FAM81B: variants seen among roughly 807,000 people sequenced by gnomAD.
FAM81B encodes the protein family with sequence similarity 81 member B, also known as protein FAM81B.
FAM81B carries 60 observed loss-of-function variants against 58.7 expected under a neutral mutation model. The ratio of observed to expected loss-of-function variants is 1.02; its 90% CI spans 0.83 to 1.27. The LOEUF (loss-of-function observed/expected upper bound fraction) is 1.27, where lower values mean the gene tolerates loss of function less well. Ranked by LOEUF, FAM81B falls within the 50% of genes most tolerant of loss-of-function variation. The probability of loss-of-function intolerance (pLI) is 0.00; values close to 1 mark genes in which losing one functional copy is unlikely to be tolerated. For missense variants in FAM81B, 491 were observed against 522.0 expected (o/e 0.94, Z 0.58); for synonymous variants, 189 against 179.6 (o/e 1.05, Z -0.42).
intron 2 of FAM81B, among the ~76,000 whole-genome samples, chr5:95,395,793 T>C (rs985611055): frequency 1.1e-4 from 17 of 152,228 alleles, no homozygotes; most frequent in African/African-American, 4.1e-4. Context: ...AAGACTTCTT[T>C]AGTAACTCAG....
intron 3 of FAM81B, among the ~76,000 whole-genome samples, chr5:95,399,795 T>C (rs1033140221): frequency 2.0e-5 from 3 of 152,060 alleles, no homozygotes; most frequent in African/African-American, 7.2e-5. Context: ...AAAGGTGACT[T>C]GGTGAAAAAT....
chr5:95,449,718 G>A (rs1745725708), intron 9 of FAM81B, among the ~76,000 whole-genome samples: 1 of 152,074 alleles, frequency 6.6e-6, no homozygotes, highest in Non-Finnish European at 1.5e-5. Context: ...AGGGCAGCAG[G>A]GGGCCGCTGT....
intron 3 of FAM81B, among the ~76,000 whole-genome samples, chr5:95,405,877 C>G (rs1410671646): frequency 1.3e-5 from 2 of 152,228 alleles, no homozygotes; most frequent in African/African-American, 4.8e-5. Context: ...CTTTCCCACC[C>G]TGTGGACATT....
At chr5:95,434,355 T>C (rs1481599608) in intron 6 of FAM81B, among the ~76,000 whole-genome samples, 1 of 152,150 alleles carries the variant, frequency 6.6e-6, no homozygotes, top group African/African-American at 2.4e-5. Context: ...CTACCTTCCT[T>C]CTTGTGTTTT....
chr5:95,400,447 C>CACAT (rs1478257353), intron 3 of FAM81B, among the ~76,000 whole-genome samples: 3 of 151,292 alleles, frequency 2.0e-5, no homozygotes, highest in Non-Finnish European at 2.9e-5. Flanking sequence ...CACACACACA[C>CACAT]ACATACATAC....
chr5:95,398,707 G>A (rs528362640), intron 3 of FAM81B, among the ~76,000 whole-genome samples: 198 of 152,302 alleles, frequency 1.3e-3, no homozygotes, highest in African/African-American at 4.7e-3. Context: ...AGCCATTCTA[G>A]CAGGAAGGAG....
At chr5:95,415,293 T>C (rs1015928914) in intron 4 of FAM81B, among the ~76,000 whole-genome samples, 3 of 152,230 alleles carry the variant, frequency 2.0e-5, no homozygotes, top group Non-Finnish European at 4.4e-5. Context: ...AGTCTCACGA[T>C]ACTTGTCCTT....
Position 95,395,075 on chromosome 5 carries a change from G to T in FAM81B, c.229-1036G>T, listed in dbSNP as rs143729239. On this transcript the variant is annotated intron_variant, in intron 2 of 9. Transcript: ENST00000283357. ...ACTCATATTCTCCATATTGAATCCA[G>T]TTCACCAATAGGCTATTAAAATTAG... Among the ~76,000 whole-genome samples the T allele has an allele frequency of 2.6e-3, 403 of 152,148 alleles. 3 individuals carry two copies. Among genetic ancestry groups the T allele is most frequent in the African/African-American group, 9.3e-3 (385 of 41,488 alleles).
At chr5:95,391,672 A>C (rs1434548992) in intron 1 of FAM81B, among the ~76,000 whole-genome samples, 159 bp downstream of exon 1, 3 of 151,832 alleles carry the variant, frequency 2.0e-5, no homozygotes, top group South Asian at 2.1e-4. Flanking sequence ...AGAAAAAAAA[A>C]CCCCATCAAA....
intron 1 of FAM81B, among the ~76,000 whole-genome samples, chr5:95,391,823 G>A (rs1477455952): frequency 6.6e-6 from 1 of 152,180 alleles, no homozygotes; most frequent in Admixed American, 6.5e-5. Flanking sequence ...ATGCCAGTTA[G>A]AATAGTAACC....
intron 4 of FAM81B, among the ~76,000 whole-genome samples, chr5:95,417,894 C>A (rs919852043): frequency 1.3e-5 from 2 of 152,262 alleles, no homozygotes; most frequent in African/African-American, 4.8e-5. Context: ...TTTGCTTTTT[C>A]TATCTTAATT....
intron 7 of FAM81B, among the ~76,000 whole-genome samples, chr5:95,443,209 C>T (rs1245234804): frequency 6.6e-6 from 1 of 152,102 alleles, no homozygotes; most frequent in African/African-American, 2.4e-5. Flanking sequence ...CACCACTAAT[C>T]CCTCACTGCA....
chr5:95,407,825 T>G (rs953403198), intron 3 of FAM81B, among the ~76,000 whole-genome samples: 2 of 152,242 alleles, frequency 1.3e-5, no homozygotes, highest in Non-Finnish European at 2.9e-5. Flanking sequence ...CCTTCCTCAT[T>G]TTTTCATGTA....
chr5:95,430,524 C>G (rs530349606), intron 6 of FAM81B, among the ~76,000 whole-genome samples: 2 of 151,282 alleles, frequency 1.3e-5, no homozygotes, highest in Admixed American at 1.3e-4. Context: ...CAACTGCATA[C>G]CCTTCCTTTG....
chr5:95,421,474 T>C lies in FAM81B; in HGVS notation c.656+1072T>C, dbSNP rs555207910. 1.8e-4 allele frequency among the ~76,000 whole-genome samples: 28 copies of C among 152,288 alleles called. No homozygotes were observed. The South Asian group carries it at 5.6e-3, about 30-fold the overall frequency. Reference sequence around the variant, plus strand: ...ACCTGGGAGAATGGCATTTTGGTTATGGTATTTTGGAGAAGGCATTTTGAG... The same window carrying C: ...ACCTGGGAGAATGGCATTTTGGTTACGGTATTTTGGAGAAGGCATTTTGAG... On this transcript the variant is annotated intron_variant, in intron 5 of 9. Coordinates refer to ENST00000283357, the MANE Select transcript of FAM81B (RefSeq NM_152548.3).
intron 3 of FAM81B, among the ~76,000 whole-genome samples, chr5:95,404,165 C>T (rs1238978990): frequency 6.6e-6 from 1 of 152,164 alleles, no homozygotes; most frequent in Non-Finnish European, 1.5e-5. Flanking sequence ...ATGAGCAAAT[C>T]TGCAGTCCAC....
At chr5:95,392,282 T>C (rs1035850992) in intron 1 of FAM81B, among the ~76,000 whole-genome samples, 1 of 152,054 alleles carries the variant, frequency 6.6e-6, no homozygotes, top group African/African-American at 2.4e-5. Flanking sequence ...ATGTTCTCAC[T>C]CACAAGTGGG....
chr5:95,404,448 C>G (rs762972154), intron 3 of FAM81B, among the ~76,000 whole-genome samples: 2 of 150,950 alleles, frequency 1.3e-5, no homozygotes, highest in Non-Finnish European at 2.9e-5. Flanking sequence ...TCTGAGTGTG[C>G]GAGTGTGTGT....
chr5:95,396,291 T>C (rs1761965255), intron 3 of FAM81B, 116 bp downstream of exon 3: 2 of 724,824 alleles, frequency 2.8e-6, no homozygotes, highest in East Asian at 2.7e-5. Flanking sequence ...TGAATGTACC[T>C]GAATGAAACC....
Sources: gnomAD v4.1 joint callset for allele counts (sites outside exome capture counted in the v4.1 genomes callset) on GRCh38, gnomAD v4.1.1 for gene constraint, MANE v1.5 for transcripts, NCBI Gene and HGNC (gene_info 2026-07-23, HGNC 2026-07-21) for gene names.